Variants in XKR6 observed in about 807,000 individuals in gnomAD.
XKR6 encodes the protein XK related 6, also known as XK-related protein 6.
XKR6 carries 22 observed loss-of-function variants against 56.7 expected under a neutral mutation model. That is an observed-to-expected ratio of 0.39 (90% CI 0.28 to 0.55). The LOEUF (loss-of-function observed/expected upper bound fraction) is 0.55, where lower values mean the gene tolerates loss of function less well. XKR6 is among the 20% of genes least tolerant of loss of function. The probability of loss-of-function intolerance (pLI) is 0.66; values close to 1 mark genes in which losing one functional copy is unlikely to be tolerated. For synonymous variants in XKR6, 524 were observed against 387.8 expected, an observed-to-expected ratio of 1.35 and a Z score of -4.13; for missense variants, 852 against 889.0, an observed-to-expected ratio of 0.96 and a Z score of 0.53.
chr8:10,916,131 G>C (rs1002280777), intron 2 of XKR6, among the ~76,000 whole-genome samples: 4 of 152,266 alleles, frequency 2.6e-5, no homozygotes, highest in African/African-American at 9.6e-5. Flanking sequence ...CCACCAGGCA[G>C]CGTGGAGCAC....
chr8:11,042,473 C>G (rs1329159644), intron 1 of XKR6, among the ~76,000 whole-genome samples: 1 of 152,184 alleles, frequency 6.6e-6, no homozygotes, highest in African/African-American at 2.4e-5. Context: ...TTCCCCTGCA[C>G]ATACTCTGTT....
At chr8:11,083,924 G>T (rs983785035) in intron 1 of XKR6, among the ~76,000 whole-genome samples, 4 of 150,596 alleles carry the variant, frequency 2.7e-5, no homozygotes, top group African/African-American at 9.8e-5. Context: ...TTGCTGTTTC[G>T]TTAAAAAAAA....
intron 1 of XKR6, among the ~76,000 whole-genome samples, chr8:11,129,730 A>G (rs1357927210): frequency 6.6e-6 from 1 of 152,184 alleles, no homozygotes; most frequent in African/African-American, 2.4e-5. Context: ...TTTGCATCTA[A>G]TTTTTTAAAT....
Position 10,897,917 on chromosome 8 carries a change from C to G in XKR6, c.*35G>C. Reference sequence around the variant, plus strand: ...CAAGTGCTGTTTGCCGCAAACCAAACTTAAGGTCCCCTTCTCAACTTGGTC... The same window carrying G: ...CAAGTGCTGTTTGCCGCAAACCAAAGTTAAGGTCCCCTTCTCAACTTGGTC... On this transcript the variant is annotated 3_prime_UTR_variant, in exon 3 of 3. Coordinates refer to ENST00000416569, the MANE Select transcript of XKR6 (RefSeq NM_173683.4). 6.6e-7 allele frequency: 1 copy of G among 1,524,664 alleles called. No individual in the cohort carries two copies. The highest frequency in any genetic ancestry group is 8.8e-7 in the Non-Finnish European group (1 of 1,136,768). 94.4% of individuals were successfully genotyped at this position (1,524,664 alleles called of 1,614,324 possible). A position where few individuals can be genotyped will look rare whatever the true frequency, so the allele number is the denominator to read the frequency against.
intron 2 of XKR6, among the ~76,000 whole-genome samples, chr8:10,899,559 C>A (rs1336442795): frequency 6.6e-6 from 1 of 152,240 alleles, no homozygotes; most frequent in Non-Finnish European, 1.5e-5. Context: ...CTTCCTCTCT[C>A]ACCCACTCTG....
At chr8:10,979,891 T>C (rs1306364611) in intron 1 of XKR6, among the ~76,000 whole-genome samples, 2 of 152,116 alleles carry the variant, frequency 1.3e-5, no homozygotes, top group African/African-American at 4.8e-5. Context: ...CTCTTGGTGT[T>C]TGGGGGACTT....
intron 1 of XKR6, among the ~76,000 whole-genome samples, chr8:10,950,022 C>G (rs1281741835): frequency 2.0e-5 from 3 of 152,158 alleles, no homozygotes; most frequent in Non-Finnish European, 4.4e-5. Flanking sequence ...TTTCTGAGGT[C>G]AGAAACTGAG....
intron 1 of XKR6, among the ~76,000 whole-genome samples, chr8:11,189,373 A>G (rs766845527): frequency 2.0e-5 from 3 of 152,222 alleles, no homozygotes; most frequent in Non-Finnish European, 4.4e-5. Context: ...ATCCTCAATT[A>G]TATGTCATAA....
Position 11,201,102 on chromosome 8 carries a change from T to A in XKR6, c.238A>T (p.Arg80Trp). The change falls in exon 1 of 3, where the codon AGG (arginine) becomes TGG (tryptophan). Residue 80 changes from arginine (R) to tryptophan (W), a missense_variant. Around this residue, in one of 4 missense-constraint regions of XKR6, gnomAD observed 417 missense variants for 355.2 expected, o/e 1.17. Coordinates refer to ENST00000416569, the MANE Select transcript of XKR6 (RefSeq NM_173683.4). ...GCGGCGGCGCTGCGGCGCGGCTTCC[T>A]GCCCAGGAGGGAGCGCAGGCAGGCG... ...RSACLRSLLGRKPRRSAAADG... is the reference protein window; with the variant it reads ...RSACLRSLLGWKPRRSAAADG... The A allele has an allele frequency of 2.9e-6, 4 of 1,379,640 alleles. No individual in the cohort carries two copies. The highest frequency in any genetic ancestry group is 1.5e-5 in the African/African-American group (1 of 65,026). The allele number at this position is 1,379,640 out of a possible 1,614,324, so 85.5% of individuals were successfully genotyped here. A position where few individuals can be genotyped will look rare whatever the true frequency, so the allele number is the denominator to read the frequency against.
chr8:11,123,985 A>G, intron 1 of XKR6: 1 of 456,168 alleles, frequency 2.2e-6, no homozygotes, highest in Non-Finnish European at 4.4e-6. Flanking sequence ...CACTGCCGTG[A>G]GCAGCCTCTC....
At chr8:10,975,568 G>A (rs148919364) in intron 1 of XKR6, among the ~76,000 whole-genome samples, 223 of 152,280 alleles carry the variant, frequency 1.5e-3, no homozygotes, top group African/African-American at 5.1e-3. Flanking sequence ...TGGGGCCCAC[G>A]CCACTGCACA....
intron 1 of XKR6, among the ~76,000 whole-genome samples, chr8:11,083,941 C>T (rs1452178316): frequency 6.6e-6 from 1 of 152,016 alleles, no homozygotes; most frequent in Admixed American, 6.5e-5. Flanking sequence ...AAAAAAACTC[C>T]TTTAATACTA....
At chr8:10,943,389 A>T (rs1027135875) in intron 1 of XKR6, among the ~76,000 whole-genome samples, 20 of 152,102 alleles carry the variant, frequency 1.3e-4, no homozygotes, top group Non-Finnish European at 2.9e-4. Flanking sequence ...TCAGTCTCCC[A>T]TGGTTGACTC....
At chr8:11,102,651 G>A (rs1296573845) in intron 1 of XKR6, among the ~76,000 whole-genome samples, 1 of 152,182 alleles carries the variant, frequency 6.6e-6, no homozygotes, top group East Asian at 1.9e-4. Flanking sequence ...GTGTAAGTGT[G>A]CTAAAACAGT....
At chr8:11,142,113 T>C (rs1485889387) in intron 1 of XKR6, among the ~76,000 whole-genome samples, 1 of 152,184 alleles carries the variant, frequency 6.6e-6, no homozygotes, top group African/African-American at 2.4e-5. Flanking sequence ...GATGTTTTAT[T>C]TTTATACACA....
intron 1 of XKR6, among the ~76,000 whole-genome samples, chr8:11,040,536 C>G (rs1378892814): frequency 1.3e-5 from 2 of 151,934 alleles, no homozygotes; most frequent in Non-Finnish European, 2.9e-5. Flanking sequence ...TCTCAAAACA[C>G]AAAACAAAAC....
intron 1 of XKR6, among the ~76,000 whole-genome samples, chr8:11,162,726 T>C (rs960550209): frequency 1.3e-5 from 2 of 152,242 alleles, no homozygotes; most frequent in African/African-American, 4.8e-5. Context: ...GTTAACCCAG[T>C]AAGGCACTGA....
chr8:11,140,471 G>C (rs1056588856), intron 1 of XKR6, among the ~76,000 whole-genome samples: 1 of 152,150 alleles, frequency 6.6e-6, no homozygotes, highest in Non-Finnish European at 1.5e-5. Context: ...ATGCCAGAAG[G>C]AAACAGAGAA....
intron 1 of XKR6, among the ~76,000 whole-genome samples, chr8:11,035,715 T>C (rs1799123409): frequency 6.6e-6 from 1 of 152,156 alleles, no homozygotes; most frequent in Non-Finnish European, 1.5e-5. Flanking sequence ...TTCTCACACA[T>C]TTTCAGATCC....
Sources: gnomAD v4.1 joint callset for allele counts (sites outside exome capture counted in the v4.1 genomes callset) on GRCh38, gnomAD v4.1.1 for gene constraint, gnomAD v4.1.1 regional missense constraint, MANE v1.5 for transcripts, NCBI Gene and HGNC (gene_info 2026-07-23, HGNC 2026-07-21) for gene names.